Variants in ELAPOR2 observed in about 807,000 individuals in gnomAD.
ELAPOR2 encodes the protein endosome-lysosome associated apoptosis and autophagy regulator family member 2, also known as endosome/lysosome-associated apoptosis and autophagy regulator family member 2.
Under a neutral mutation model 120.7 loss-of-function variants are expected in ELAPOR2, and 89 were observed. The ratio of observed to expected loss-of-function variants is 0.74; its 90% CI spans 0.62 to 0.88. The LOEUF (loss-of-function observed/expected upper bound fraction) is 0.88. Ranked by LOEUF, ELAPOR2 falls within the 40% of genes least tolerant of loss-of-function variation. The pLI is 0.00. For missense variants in ELAPOR2, 1,134 were observed against 1,251.6 expected (o/e 0.91, Z 1.42); for synonymous variants, 444 against 444.9 (o/e 1.00, Z 0.03).
chr7:86,958,231 C>T (rs574774273), intron 2 of ELAPOR2, among the ~76,000 whole-genome samples: 1 of 151,982 alleles, frequency 6.6e-6, no homozygotes, highest in Non-Finnish European at 1.5e-5. Flanking sequence ...GTTTTAGTTT[C>T]CTAATCTGCT....
intron 19 of ELAPOR2, among the ~76,000 whole-genome samples, chr7:86,896,907 C>T (rs894223799): frequency 3.3e-5 from 5 of 151,954 alleles, no homozygotes; most frequent in African/African-American, 1.2e-4. Context: ...CAGACGTTTG[C>T]TACAGAGTTA....
chr7:86,931,214 T>C (rs1158216980), intron 8 of ELAPOR2, among the ~76,000 whole-genome samples: 2 of 151,862 alleles, frequency 1.3e-5, no homozygotes, highest in African/African-American at 4.8e-5. Flanking sequence ...TTAGAGGCAA[T>C]GTTTGAATAT....
At chr7:86,958,710 T>C (rs561814846) in intron 2 of ELAPOR2, among the ~76,000 whole-genome samples, 1 of 152,200 alleles carries the variant, frequency 6.6e-6, no homozygotes, top group African/African-American at 2.4e-5. Flanking sequence ...AAAGAACTTC[T>C]TCCTTCAGAA....
At chr7:87,040,213 C>A (rs934725680) in intron 1 of ELAPOR2, among the ~76,000 whole-genome samples, 7 of 152,260 alleles carry the variant, frequency 4.6e-5, no homozygotes, top group African/African-American at 1.7e-4. Flanking sequence ...CGCCATTGCC[C>A]AGGCTTGCTT....
At chr7:86,996,148 T>C (rs1421562317) in intron 1 of ELAPOR2, among the ~76,000 whole-genome samples, 1 of 152,004 alleles carries the variant, frequency 6.6e-6, no homozygotes, top group Non-Finnish European at 1.5e-5. Flanking sequence ...AATTGACAAT[T>C]AAAATAACAG....
chr7:86,879,274 G>A lies in ELAPOR2; in HGVS notation c.*1197C>T, dbSNP rs1212430667. 4 of 152,192 alleles carry A rather than the reference G, an allele frequency of 2.6e-5. No homozygotes were observed. Among genetic ancestry groups the A allele is most frequent in the East Asian group, 3.9e-4 (2 of 5,184 alleles). 9.4% of individuals were successfully genotyped at this position (152,192 alleles called of 1,614,324 possible). A position where few individuals can be genotyped will look rare whatever the true frequency, so the allele number is the denominator to read the frequency against. ...TCCTTCAACAAATAATATCCAAGTC[G>A]TGCTAATACCAGTAGCCCACCATAG... On this transcript the variant is annotated 3_prime_UTR_variant, in exon 22 of 22. Transcript: ENST00000450689.
intron 1 of ELAPOR2, among the ~76,000 whole-genome samples, chr7:86,983,878 A>G (rs958449370): frequency 1.6e-4 from 24 of 152,364 alleles, no homozygotes; most frequent in African/African-American, 5.3e-4. Context: ...CCCAATTAAA[A>G]GACACAGACT....
chr7:87,047,233 C>G (rs753643122), intron 1 of ELAPOR2, among the ~76,000 whole-genome samples: 2 of 152,136 alleles, frequency 1.3e-5, no homozygotes, highest in Admixed American at 6.5e-5. Flanking sequence ...TAAGAAACTA[C>G]TAAAGGACAA....
intron 1 of ELAPOR2, among the ~76,000 whole-genome samples, chr7:87,049,504 A>G (rs1254215934): frequency 1.3e-5 from 2 of 152,036 alleles, no homozygotes; most frequent in Non-Finnish European, 1.5e-5. Flanking sequence ...GGATGCTCTC[A>G]ATCTCCTGAC....
intron 8 of ELAPOR2, among the ~76,000 whole-genome samples, chr7:86,929,971 G>T (rs1790256311): frequency 6.6e-6 from 1 of 151,896 alleles, no homozygotes; most frequent in Non-Finnish European, 1.5e-5. Flanking sequence ...TTCCTGTACA[G>T]CCTACAGAAT....
In ELAPOR2 at chr7:86,925,786, A is replaced by C. The variant is rs1175874799; in HGVS notation, c.1271-130T>G. 20 of 808,302 alleles carry C rather than the reference A, an allele frequency of 2.5e-5. No individual in the cohort carries two copies. The Admixed American group carries it at 4.9e-4, about 20-fold the overall frequency. The allele number at this position is 808,302 out of a possible 1,614,324, so 50.1% of individuals were successfully genotyped here. On this transcript the variant is annotated intron_variant, in intron 9 of 21. Coordinates refer to ENST00000450689, the MANE Select transcript of ELAPOR2 (RefSeq NM_001142749.3). ...TGGAAAAAAAAGATATTGGACTACC[A>C]GTTCCCTCAGGATGTACTAACTTTT...
At chr7:86,983,232 G>C (rs947126962) in intron 1 of ELAPOR2, among the ~76,000 whole-genome samples, 3 of 152,144 alleles carry the variant, frequency 2.0e-5, no homozygotes, top group Non-Finnish European at 2.9e-5. Context: ...GAAAGTGACG[G>C]GCAGAATGGA....
At chr7:86,951,235 C>T (rs545433396) in intron 2 of ELAPOR2, among the ~76,000 whole-genome samples, 1 of 152,270 alleles carries the variant, frequency 6.6e-6, no homozygotes, top group East Asian at 1.9e-4. Flanking sequence ...TGAATAGCTG[C>T]AACAGAAACT....
intron 10 of ELAPOR2, among the ~76,000 whole-genome samples, chr7:86,923,237 T>C (rs1414233707): frequency 6.6e-6 from 1 of 151,924 alleles, no homozygotes; most frequent in Non-Finnish European, 1.5e-5. Context: ...CAATATACAG[T>C]AGGGTGTAGT....
At chr7:86,998,664 A>G (rs1793205577) in intron 1 of ELAPOR2, among the ~76,000 whole-genome samples, 1 of 152,218 alleles carries the variant, frequency 6.6e-6, no homozygotes, top group South Asian at 2.1e-4. Flanking sequence ...GTCTTCAGAC[A>G]TGTCAAATGT....
At chr7:87,005,367 T>A (rs1635025) in intron 1 of ELAPOR2, among the ~76,000 whole-genome samples, 21,056 of 152,118 alleles carry the variant, frequency 0.14, 1,712 homozygotes, top group African/African-American at 0.21. Flanking sequence ...AAGCCTTCTA[T>A]ATTGGCAAAA....
chr7:86,982,788 G>T (rs1363557040), intron 1 of ELAPOR2, among the ~76,000 whole-genome samples: 4 of 152,176 alleles, frequency 2.6e-5, no homozygotes, highest in Non-Finnish European at 5.9e-5. Context: ...TCCTCCAAAG[G>T]ATCACAGCTC....
chr7:86,984,038 CA>C (rs1259223306), intron 1 of ELAPOR2, among the ~76,000 whole-genome samples: 11 of 152,238 alleles, frequency 7.2e-5, no homozygotes, highest in African/African-American at 2.6e-4. Context: ...GCAGGGGTTG[CA>C]ATCCTGGTCT....
At chr7:86,988,018 TAAA>T (rs764874204) in intron 1 of ELAPOR2, among the ~76,000 whole-genome samples, 1 of 152,130 alleles carries the variant, frequency 6.6e-6, no homozygotes, top group Admixed American at 6.5e-5. Flanking sequence ...TATGCAGCCA[TAAA>T]AAAGGATGAG....
Sources: allele counts gnomAD v4.1 joint callset (sites outside exome capture counted in the v4.1 genomes callset), GRCh38; gene constraint gnomAD v4.1.1; transcripts MANE v1.5; gene names NCBI Gene and HGNC (gene_info 2026-07-23, HGNC 2026-07-21).